FUS: variants seen among roughly 807,000 people sequenced by gnomAD.
The protein encoded by FUS is FUS RNA binding protein.
A neutral mutation model predicts 82.7 loss-of-function variants in FUS; 5 were observed. The observed-to-expected ratio is 0.06, with a 90% CI of 0.03 to 0.13. FUS has a LOEUF of 0.13. Ranked by LOEUF, FUS falls within the 10% of genes least tolerant of loss-of-function variation. The pLI is 1.00. For synonymous variants in FUS, 281 were observed against 247.4 expected, an observed-to-expected ratio of 1.14 and a Z score of -1.27; for missense variants, 512 against 707.8, an observed-to-expected ratio of 0.72 and a Z score of 3.14.
chr16:31,190,366 G>A lies in FUS; in HGVS notation c.1260G>A (p.Gln420=), dbSNP rs2144136507. The A allele has an allele frequency of 6.2e-7, 1 of 1,614,198 alleles. No homozygotes were observed. The highest frequency in any genetic ancestry group is 8.5e-7 in the Non-Finnish European group (1 of 1,180,030). The change falls in exon 12 of 15, where the codon CAG becomes CAA. Residue 420 remains glutamine (Q), a synonymous_variant. Coordinates refer to ENST00000254108, the MANE Select transcript of FUS (RefSeq NM_004960.4). ...FPSGGGGGGG[Q]QRAGDWKCPN... The stretch of plus-strand genomic sequence containing the variant: ...GTGGAGGTGGTGGCGGTGGAGGACA[G>A]CAGCGAGCTGGTGACTGGAAGTGTC...
At chr16:31,193,645 C>T (rs917712431), downstream of FUS, 3 of 530,128 alleles carry the variant, frequency 5.7e-6, no homozygotes, top group African/African-American at 1.9e-5. Context: ...TCCCAGGTGA[C>T]TGTTTAGTGG....
chr16:31,193,895 C>T, downstream of FUS: 1 of 528,902 alleles, frequency 1.9e-6, no homozygotes, highest in Non-Finnish European at 3.7e-6. Context: ...GACCTGCCTG[C>T]CTCAGCCTCC....
chr16:31,183,510 C>G (rs2144105670), intron 3 of FUS: 2 of 345,786 alleles, frequency 5.8e-6, no homozygotes, highest in East Asian at 1.4e-4. Context: ...CCCCAAGGTC[C>G]TGAAGTGTAA....
chr16:31,193,081 A>C (rs556911093), downstream of FUS: 9 of 484,198 alleles, frequency 1.9e-5, no homozygotes, highest in East Asian at 3.4e-4. Flanking sequence ...CTGGGATTAC[A>C]GGCATGCGCC....
rs759867403 is a variant in FUS at position 31,188,289 on chromosome 16, GT to G, written c.800-26del. 3.1e-4 allele frequency: 424 copies of G among 1,381,466 alleles called. 1 individual carries two copies. Among genetic ancestry groups the G allele is most frequent in the Admixed American group, 8.4e-4 (43 of 51,212 alleles). 85.6% of individuals were successfully genotyped at this position (1,381,466 alleles called of 1,614,324 possible). ...AACGGCTCATCTTTTCCTTGTTTTTGTTTTTTTTTTGTTCTTTTTTTCCATG... is the reference window on the plus strand; with the variant it reads ...AACGGCTCATCTTTTCCTTGTTTTTGTTTTTTTTTGTTCTTTTTTTCCATG... On this transcript the variant is annotated intron_variant, in intron 7 of 14. Transcript: ENST00000254108.
downstream of FUS, chr16:31,192,610 G>A: frequency 2.0e-6 from 1 of 489,022 alleles, no homozygotes; most frequent in Non-Finnish European, 4.0e-6. Context: ...ATCCAGGCTG[G>A]AGTGCAGTGG....
downstream of FUS, chr16:31,192,811 A>G: frequency 2.1e-6 from 1 of 481,644 alleles, no homozygotes; most frequent in African/African-American, 2.0e-5. Flanking sequence ...ACCTCAGGTG[A>G]TCCACCTGCC....
At chr16:31,184,063 A>G (rs2079222031) in intron 4 of FUS, 61 bp downstream of exon 4, 3 of 1,612,984 alleles carry the variant, frequency 1.9e-6, no homozygotes, top group African/African-American at 1.3e-5. Flanking sequence ...GAGGAATGAT[A>G]AAGGGACCAG....
chr16:31,181,584 C>G (rs2079179523), intron 1 of FUS, among the ~76,000 whole-genome samples: 4 of 152,112 alleles, frequency 2.6e-5, no homozygotes, highest in Admixed American at 2.0e-4. Flanking sequence ...CGGGATTGGT[C>G]AAAGAGTGAA....
In FUS at chr16:31,191,534, GT is replaced by G. The variant is rs765805820; in HGVS notation, c.*103del. ...CCTTCCAATTCCTGATCACCCAAGGGTTTTTTTGTGTCGGACTATGTAATTG... is the reference window on the plus strand; with the variant it reads ...CCTTCCAATTCCTGATCACCCAAGGGTTTTTTGTGTCGGACTATGTAATTG... On this transcript the variant is annotated 3_prime_UTR_variant, in exon 15 of 15. Transcript: ENST00000254108. 1.5e-6 allele frequency: 2 copies of G among 1,328,332 alleles called. No individual in the cohort carries two copies. Among genetic ancestry groups the G allele is most frequent in the Non-Finnish European group, 2.2e-6 (2 of 925,086 alleles). The allele number at this position is 1,328,332 out of a possible 1,614,324, so 82.3% of individuals were successfully genotyped here. A position where few individuals can be genotyped will look rare whatever the true frequency, so the allele number is the denominator to read the frequency against.
chr16:31,192,965 T>C (rs2079380742), downstream of FUS: 1 of 485,658 alleles, frequency 2.1e-6, no homozygotes, highest in Non-Finnish European at 4.1e-6. Context: ...ACAGAAACTA[T>C]GACTTTATTT....
chr16:31,193,108 T>A (rs965153002), downstream of FUS: 4 of 483,428 alleles, frequency 8.3e-6, no homozygotes, highest in East Asian at 2.0e-4. Context: ...CCCAGCTAAT[T>A]TATTTGTATT....
intron 6 of FUS, chr16:31,185,692 T>A (rs548654183): frequency 9.4e-6 from 4 of 426,900 alleles, no homozygotes; most frequent in Middle Eastern, 3.3e-4. Flanking sequence ...TTGACCGACA[T>A]TGATTTTGTG....
At chr16:31,193,353 C>T (rs2079385630), downstream of FUS, 1 of 524,892 alleles carries the variant, frequency 1.9e-6, no homozygotes, top group Admixed American at 2.2e-5. Context: ...TGACTTAGTA[C>T]ATGTAGAGGA....
intron 8 of FUS, 172 bp downstream of exon 8, chr16:31,188,529 CAG>C (rs1347176790): frequency 4.0e-6 from 3 of 746,640 alleles, no homozygotes; most frequent in Non-Finnish European, 6.9e-6. Context: ...AAGTATTTCT[CAG>C]AAATACCTGG....
chr16:31,182,730 T>A, intron 3 of FUS, 66 bp downstream of exon 3: 1 of 1,604,644 alleles, frequency 6.2e-7, no homozygotes, highest in East Asian at 2.2e-5. Context: ...TTTTCTTGTT[T>A]TTTGGAGACG....
chr16:31,182,181 G>C, intron 1 of FUS: 1 of 586,804 alleles, frequency 1.7e-6, no homozygotes, highest in Non-Finnish European at 3.1e-6. Context: ...ATTAGAGATG[G>C]GGCTTCACCA....
chr16:31,189,393 G>A (rs567097855), intron 9 of FUS, among the ~76,000 whole-genome samples, 167 bp downstream of exon 9: 1 of 152,336 alleles, frequency 6.6e-6, no homozygotes, highest in East Asian at 1.9e-4. Context: ...TTTTCTAAAA[G>A]AGAAGTTCTA....
At chr16:31,182,812 G>C (rs778591022) in intron 3 of FUS, 148 bp downstream of exon 3, 3 of 949,448 alleles carry the variant, frequency 3.2e-6, no homozygotes, top group Non-Finnish European at 5.0e-6. Flanking sequence ...AGCCTACCGG[G>C]TTCAAACGAT....
Sources: allele counts gnomAD v4.1 joint callset (sites outside exome capture counted in the v4.1 genomes callset), GRCh38; gene constraint gnomAD v4.1.1; transcripts MANE v1.5; gene names NCBI Gene and HGNC (gene_info 2026-07-23, HGNC 2026-07-21).